The following ITGB4 variants were observed in gnomAD, a reference collection of about 807,000 sequenced individuals.
ITGB4 encodes the protein integrin subunit beta 4.
A neutral mutation model predicts 207.6 loss-of-function variants in ITGB4; 159 were observed. The ratio of observed to expected loss-of-function variants is 0.77; its 90% CI spans 0.67 to 0.87. ITGB4 has a LOEUF of 0.87. Ranked by LOEUF, ITGB4 falls within the 40% of genes least tolerant of loss-of-function variation. The pLI, the probability that ITGB4 is intolerant of heterozygous loss-of-function variation, is 0.00. For synonymous variants in ITGB4, 1,020 were observed against 1,062.7 expected (o/e 0.96, Z 0.78); for missense variants, 2,278 against 2,546.8 (o/e 0.89, Z 2.27).
Position 75,756,932 on chromosome 17 carries a change from T to C in ITGB4, c.5054-11T>C, listed in dbSNP as rs774785239. 5 of 1,612,308 alleles carry C rather than the reference T, an allele frequency of 3.1e-6. No individual in the cohort carries two copies. Among genetic ancestry groups the C allele is most frequent in the Non-Finnish European group, 4.2e-6 (5 of 1,179,842 alleles). On this transcript the variant is annotated splice_polypyrimidine_tract_variant and intron_variant, in intron 37 of 39. Coordinates refer to ENST00000200181, the MANE Select transcript of ITGB4 (RefSeq NM_000213.5). ...GGGGCCGCAGACGCTGAAGGCATCT[T>C]CCCTGCTCAGGGCCAGCCACCGCAT... is the stretch of plus-strand genomic sequence containing the variant.
chr17:75,754,871 C>T, intron 34 of ITGB4, 56 bp downstream of exon 34: 1 of 1,611,572 alleles, frequency 6.2e-7, no homozygotes, highest in East Asian at 2.2e-5. Context: ...TCTTCCAGCT[C>T]CTGGAGCCTC....
intron 32 of ITGB4, 57 bp from the exon 33 acceptor site, chr17:75,753,708 C>T: frequency 8.3e-7 from 1 of 1,212,072 alleles, no homozygotes; most frequent in Non-Finnish European, 1.1e-6. Context: ...CCCCGCCTGG[C>T]CCTGCTCGGC....
chr17:75,721,687 C>G (rs961626009), intron 1 of ITGB4, 75 bp downstream of exon 1: 1 of 152,416 alleles, frequency 6.6e-6, no homozygotes, highest in African/African-American at 2.4e-5. Context: ...GTCTCCCCTT[C>G]CCCTCCCTGA....
chr17:75,756,375 G>A (rs2061502214), intron 35 of ITGB4, 54 bp from the exon 36 acceptor site: 3 of 1,596,976 alleles, frequency 1.9e-6, no homozygotes, highest in Admixed American at 3.3e-5. Context: ...GGAGGATCAG[G>A]CCAGGGGTGG....
At chr17:75,736,428 A>T in intron 15 of ITGB4, 42 bp downstream of exon 15, 1 of 1,610,664 alleles carries the variant, frequency 6.2e-7, no homozygotes, top group Non-Finnish European at 8.5e-7. Context: ...GGAACAGGGC[A>T]GGCACAGGGC....
At chr17:75,753,512 C>T (rs1042704098) in intron 32 of ITGB4, among the ~76,000 whole-genome samples, 2 of 152,162 alleles carry the variant, frequency 1.3e-5, no homozygotes, top group African/African-American at 4.8e-5. Context: ...CTGGCGGGTC[C>T]GGGGGTCTCT....
rs149764167 is a variant in ITGB4, at chr17:75,729,678, G to A, written c.738+242G>A. Among the ~76,000 whole-genome samples the A allele has an allele frequency of 6.7e-4, 102 of 152,296 alleles. No homozygotes were observed. The highest frequency in any genetic ancestry group is 3.4e-3 in the Middle Eastern group (1 of 294). ...GCCTGAGCAGTCACAGCCTGGTTTCGTATCAGCTACCAAGGCAGACCTGGG... is the reference window on the plus strand; with the variant it reads ...GCCTGAGCAGTCACAGCCTGGTTTCATATCAGCTACCAAGGCAGACCTGGG... On this transcript the variant is annotated intron_variant, in intron 7 of 39. Transcript: ENST00000200181. This position sits in a 1 kb window ranked among gnomAD's most constrained non-coding sequence, Gnocchi z 4.4.
In ITGB4 at chr17:75,757,587, C is replaced by T. The variant is rs774517815; in HGVS notation, c.*32C>T. The T allele has an allele frequency of 6.0e-5, 96 of 1,612,972 alleles. No individual in the cohort carries two copies. The highest frequency in any genetic ancestry group is 8.0e-5 in the Non-Finnish European group (94 of 1,179,776). On this transcript the variant is annotated 3_prime_UTR_variant, in exon 40 of 40. Transcript: ENST00000200181. ...CCTGCCCCACCCCCGCCACGTCCCA[C>T]TAGGCGTCCTCCCGACTCCTCTCCC...
At position 75,733,483 on chromosome 17, in the gene ITGB4, C is replaced by A; in HGVS notation, c.1455-7C>A. 6.2e-7 allele frequency: 1 copy of A among 1,612,516 alleles called. No individual in the cohort carries two copies. Among genetic ancestry groups the A allele is most frequent in the Non-Finnish European group, 8.5e-7 (1 of 1,179,902 alleles). On this transcript the variant is annotated splice_region_variant and splice_polypyrimidine_tract_variant and intron_variant, in intron 12 of 39. Transcript: ENST00000200181. Reference sequence around the variant, plus strand: ...CTGTTTCGGGGAATGACCAGTTCCTCCTTCAGGAGTGGCCAGACCTGCAAC... The same window carrying A: ...CTGTTTCGGGGAATGACCAGTTCCTACTTCAGGAGTGGCCAGACCTGCAAC...
At chr17:75,744,452 G>T (rs578219690) in intron 26 of ITGB4, among the ~76,000 whole-genome samples, 4 of 151,910 alleles carry the variant, frequency 2.6e-5, no homozygotes, top group Admixed American at 2.0e-4. Flanking sequence ...ATGGGCCAGG[G>T]ACCTGCCCAG....
chr17:75,739,547 A>T lies in ITGB4; in HGVS notation c.2221-125A>T, dbSNP rs1272690554. 12 of 1,049,526 alleles carry T rather than the reference A, an allele frequency of 1.1e-5. No individual in the cohort carries two copies. The highest frequency in any genetic ancestry group is 1.8e-5 in the Non-Finnish European group (12 of 678,506). 65.0% of individuals were successfully genotyped at this position (1,049,526 alleles called of 1,614,324 possible). A position where few individuals can be genotyped will look rare whatever the true frequency, so the allele number is the denominator to read the frequency against. ...GCTTACACCCTGCTACCACCTGGAT[A>T]TTCTGGTGTCTGGGGAGGCACTGTC... On this transcript the variant is annotated intron_variant, in intron 18 of 39. Coordinates refer to ENST00000200181, the MANE Select transcript of ITGB4 (RefSeq NM_000213.5). The surrounding 1 kb of genome is among the most constrained non-coding windows in gnomAD (Gnocchi z 5.4).
chr17:75,735,048 T>C (rs2060943496), intron 13 of ITGB4, among the ~76,000 whole-genome samples: 1 of 152,262 alleles, frequency 6.6e-6, no homozygotes, highest in African/African-American at 2.4e-5. Context: ...CTTTGTGACA[T>C]GTTCCTCACA....
chr17:75,756,696 G>A lies in ITGB4; in HGVS notation c.4898-8G>A, dbSNP rs1331032382. 1 of 1,613,304 alleles carries A rather than the reference G, an allele frequency of 6.2e-7. No homozygotes were observed. Among genetic ancestry groups the A allele is most frequent in the Non-Finnish European group, 8.5e-7 (1 of 1,179,978 alleles). ...CACAGGCTGATGCTCTTCCTCTACT[G>A]CCCCCAGGCTCCGCCTTCACTTTGA... On this transcript the variant is annotated splice_polypyrimidine_tract_variant and splice_region_variant and intron_variant, in intron 36 of 39. Transcript: ENST00000200181.
intron 34 of ITGB4, 90 bp downstream of exon 34, chr17:75,754,905 C>A (rs1228516606): frequency 6.3e-7 from 1 of 1,581,440 alleles, no homozygotes; most frequent in African/African-American, 1.3e-5. Context: ...CTGTCCCCAC[C>A]GCCCATTCTC....
rs376494263 is a variant in ITGB4, at chr17:75,751,077, C to T, written c.3759C>T (p.Tyr1253=). The change falls in exon 30 of 40, where the codon TAC becomes TAT. Residue 1253 remains tyrosine (Y), a synonymous_variant. Transcript: ENST00000200181. ...PAETNGEITA[Y]EVCYGLVNDD... is the part of the protein sequence containing the mutation. ...AGACCAACGGTGAGATCACAGCCTA[C>T]GAGGTCTGCTATGGCCTGGTCAACG... The T allele has an allele frequency of 7.2e-5, 116 of 1,613,778 alleles. No individual in the cohort carries two copies. Among genetic ancestry groups the T allele is most frequent in the Admixed American group, 1.0e-4 (6 of 60,008 alleles).
chr17:75,757,064 GCCAGAGCGCGAGGGCATCATCA>G lies in ITGB4; in HGVS notation c.5179_5200del (p.Glu1727Ter), dbSNP rs759412123. 6.2e-7 allele frequency: 1 copy of G among 1,612,772 alleles called. No individual in the cohort carries two copies. The highest frequency in any genetic ancestry group is 8.5e-7 in the Non-Finnish European group (1 of 1,179,916). ...AGGCCAGGACCACTGAGGGCTTCGG[GCCAGAGCGCGAGGGCATCATCA>G]CCATAGAGTCCCAGGATGGAGGTAG... is the stretch of plus-strand genomic sequence containing the variant. On this transcript the variant is annotated frameshift_variant, in exon 38 of 40. Transcript: ENST00000200181. LOFTEE classifies it high-confidence loss of function.
chr17:75,738,792 C>A (rs2061040777), intron 18 of ITGB4, among the ~76,000 whole-genome samples: 4 of 152,184 alleles, frequency 2.6e-5, no homozygotes, highest in Non-Finnish European at 4.4e-5. Flanking sequence ...TATTAATGTG[C>A]ATTACATAGG....
At position 75,752,535 on chromosome 17, in the gene ITGB4, T is replaced by G. The variant is rs1257849183; in HGVS notation, c.4066T>G (p.Ser1356Ala). The part of the protein sequence containing the change: ...FLMYSDDVLR[S>A]PSGSQRPSVS... ...TATGTACAGCGATGACGTTCTACGC[T>G]CTCCATCGGGCAGCCAGAGGCCCAG... Residue 1356 changes from serine (S) to alanine (A), a missense_variant, in exon 32 of 40, where the codon TCT (serine) becomes GCT (alanine). Coordinates refer to ENST00000200181, the MANE Select transcript of ITGB4 (RefSeq NM_000213.5). 6.2e-7 allele frequency: 1 copy of G among 1,613,544 alleles called. No individual in the cohort carries two copies. Among genetic ancestry groups the G allele is most frequent in the East Asian group, 2.2e-5 (1 of 44,862 alleles).
intron 37 of ITGB4, 32 bp downstream of exon 37, chr17:75,756,891 G>A: frequency 6.2e-7 from 1 of 1,612,270 alleles, no homozygotes; most frequent in Middle Eastern, 1.7e-4. Flanking sequence ...GGAGTGGCCA[G>A]GGGAGGGGTA....
Sources: gnomAD v4.1 joint callset for allele counts (sites outside exome capture counted in the v4.1 genomes callset) on GRCh38, gnomAD v4.1.1 for gene constraint, Gnocchi (gnomAD v3.1) non-coding constraint, MANE v1.5 for transcripts, NCBI Gene and HGNC (gene_info 2026-07-23, HGNC 2026-07-21) for gene names.